The following LRFN2 variants were observed in gnomAD, a reference collection of about 807,000 sequenced individuals.
LRFN2 encodes the protein leucine rich repeat and fibronectin type III domain containing 2.
LRFN2 carries 18 observed loss-of-function variants against 37.3 expected under a neutral mutation model. The ratio of observed to expected loss-of-function variants is 0.48; its 90% CI spans 0.33 to 0.72. LRFN2 has a LOEUF of 0.72. LRFN2 is among the 30% of genes least tolerant of loss of function. LRFN2 has a pLI of 0.02. For missense variants in LRFN2, 1,006 were observed against 1,060.7 expected, an observed-to-expected ratio of 0.95 and a Z score of 0.72; for synonymous variants, 556 against 466.6, an observed-to-expected ratio of 1.19 and a Z score of -2.47.
intron 1 of LRFN2, among the ~76,000 whole-genome samples, chr6:40,472,629 G>A (rs1764625000): frequency 6.6e-6 from 1 of 152,170 alleles, no homozygotes; most frequent in South Asian, 2.1e-4. Context: ...CCTGATGCTG[G>A]TGTGGCTCAA....
At chr6:40,492,428 C>A (rs896529194) in intron 1 of LRFN2, among the ~76,000 whole-genome samples, 4 of 152,302 alleles carry the variant, frequency 2.6e-5, no homozygotes, top group African/African-American at 7.2e-5. Context: ...GCACATCGAA[C>A]CTGCCAGGTT....
chr6:40,459,760 G>T lies in LRFN2; in HGVS notation c.-18-26629C>A, dbSNP rs551491073. On this transcript the variant is annotated intron_variant, in intron 1 of 2. Transcript: ENST00000338305. ...CTGGATGGGTTGGTGAAGACACACA[G>T]CAAAGACTTGTGGTTTGGATGGAGG... Among the ~76,000 whole-genome samples, 11 of 152,350 alleles carry T rather than the reference G, an allele frequency of 7.2e-5. No individual in the cohort carries two copies. In the South Asian group the frequency reaches 2.3e-3, roughly 32 times the overall value.
At chr6:40,484,161 C>A (rs1383473387) in intron 1 of LRFN2, among the ~76,000 whole-genome samples, 1 of 152,192 alleles carries the variant, frequency 6.6e-6, no homozygotes, top group Non-Finnish European at 1.5e-5. Flanking sequence ...CAACTGCCTC[C>A]TCATCATAAA....
At chr6:40,577,108 C>CTTCTCTTCTCTTCTCCTCT (rs1554145947) in intron 1 of LRFN2, among the ~76,000 whole-genome samples, 1,527 of 104,626 alleles carry the variant, frequency 0.015, 227 homozygotes, top group African/African-American at 0.052. Flanking sequence ...CTTTTCCTTT[C>CTTCTCTTCTCTTCTCCTCT]TTTTCTTTTT....
chr6:40,530,975 T>C (rs1766331833), intron 1 of LRFN2, among the ~76,000 whole-genome samples: 1 of 152,182 alleles, frequency 6.6e-6, no homozygotes, highest in Non-Finnish European at 1.5e-5. Context: ...AAAGGGAACA[T>C]TTAAAAAAGC....
intron 1 of LRFN2, among the ~76,000 whole-genome samples, chr6:40,476,010 G>A (rs1481192143): frequency 6.6e-6 from 1 of 152,090 alleles, no homozygotes; most frequent in African/African-American, 2.4e-5. Flanking sequence ...ATATGTTATG[G>A]TTGCATTGGT....
chr6:40,552,731 A>G (rs1170349351), intron 1 of LRFN2, among the ~76,000 whole-genome samples: 4 of 152,216 alleles, frequency 2.6e-5, no homozygotes, highest in African/African-American at 9.7e-5. Flanking sequence ...TTTTTAGAAA[A>G]GGAAAGGAAG....
intron 1 of LRFN2, among the ~76,000 whole-genome samples, chr6:40,569,466 AACC>A (rs1767148790): frequency 6.6e-6 from 1 of 152,186 alleles, no homozygotes; most frequent in Non-Finnish European, 1.5e-5. Context: ...CTGGCTTAGA[AACC>A]AGAAGGAAAA....
intron 1 of LRFN2, among the ~76,000 whole-genome samples, chr6:40,448,545 G>T (rs1389645579): frequency 6.6e-6 from 1 of 152,086 alleles, no homozygotes; most frequent in Non-Finnish European, 1.5e-5. Context: ...TTCTTATCTT[G>T]CTGCAATACT....
intron 1 of LRFN2, among the ~76,000 whole-genome samples, chr6:40,553,449 A>G (rs150782749): frequency 3.9e-5 from 6 of 152,302 alleles, no homozygotes; most frequent in African/African-American, 1.4e-4. Flanking sequence ...CATTTCACAC[A>G]TTGGACATCT....
chr6:40,448,086 G>T (rs1358306457), intron 1 of LRFN2, among the ~76,000 whole-genome samples: 1 of 152,220 alleles, frequency 6.6e-6, no homozygotes, highest in African/African-American at 2.4e-5. Flanking sequence ...GCAATAGCCT[G>T]TGAGAGACCG....
At chr6:40,552,522 T>C (rs1273158282) in intron 1 of LRFN2, among the ~76,000 whole-genome samples, 4 of 152,214 alleles carry the variant, frequency 2.6e-5, no homozygotes, top group Admixed American at 1.3e-4. Context: ...CAGACACAGT[T>C]ATGTGGGACC....
chr6:40,435,082 G>GAGAGAGAC lies in LRFN2; in HGVS notation c.-18-1952_-18-1951insGTCTCTCT, dbSNP rs1554134659. On this transcript the variant is annotated intron_variant, in intron 1 of 2. Transcript: ENST00000338305. ...AGAGAGAGAGAGAGAGAGAGAGAGA[G>GAGAGAGAC]AGAGAGAGACAGAGAGATAATATAT... Among the ~76,000 whole-genome samples, 13 of 135,586 alleles carry GAGAGAGAC rather than the reference G, an allele frequency of 9.6e-5. 1 individual carries two copies. The East Asian group carries it at 3.5e-3, about 36-fold the overall frequency. 88.9% of individuals were successfully genotyped at this position (135,586 alleles called of 152,430 possible).
chr6:40,481,187 G>A (rs2113863602), intron 1 of LRFN2, among the ~76,000 whole-genome samples: 2 of 152,258 alleles, frequency 1.3e-5, no homozygotes, highest in East Asian at 3.9e-4. Flanking sequence ...TATAATCCCA[G>A]CACTTTGGGA....
At chr6:40,428,407 C>T (rs145137804) in intron 2 of LRFN2, among the ~76,000 whole-genome samples, 402 of 152,338 alleles carry the variant, frequency 2.6e-3, no homozygotes, top group African/African-American at 9.2e-3. Flanking sequence ...GACCTCTCCT[C>T]CCTTCTTTTA....
chr6:40,432,935 C>T lies in LRFN2; in HGVS notation c.179G>A (p.Gly60Asp). ...IDRRTVELRL[G>D]GNFIIHISRQ... is the part of the protein sequence containing the mutation. ...GCTGATGTGGATGATGAAGTTGCCG[C>T]CCAGGCGCAGCTCCACTGTCCGCCG... The change falls in exon 2 of 3, where the codon GGC becomes GAC. Residue 60 changes from glycine to aspartate, a missense_variant. Physicochemically the swap from Gly to Asp is moderately conservative, Grantham distance 94. Coordinates refer to ENST00000338305, the MANE Select transcript of LRFN2 (RefSeq NM_020737.3). The T allele has an allele frequency of 6.2e-7, 1 of 1,613,968 alleles. No individual in the cohort carries two copies. Among genetic ancestry groups the T allele is most frequent in the Non-Finnish European group, 8.5e-7 (1 of 1,179,846 alleles).
intron 1 of LRFN2, among the ~76,000 whole-genome samples, chr6:40,487,144 C>A (rs879834374): frequency 4.6e-5 from 7 of 152,196 alleles, no homozygotes; most frequent in Non-Finnish European, 8.8e-5. Context: ...GCCAGCCATG[C>A]CAGGGATTAA....
At chr6:40,501,057 A>T in intron 1 of LRFN2, among the ~76,000 whole-genome samples, 1 of 151,814 alleles carries the variant, frequency 6.6e-6, no homozygotes, top group East Asian at 1.9e-4. Context: ...ATAATTTTTA[A>T]CATCATGGGT....
At position 40,392,172 on chromosome 6, in the gene LRFN2, A is replaced by G. The variant is rs1762518853; in HGVS notation, c.2141T>C (p.Leu714Ser). The change falls in exon 3 of 3, where the codon TTG (leucine) becomes TCG (serine). Residue 714 changes from leucine (L) to serine (S), a missense_variant. By Grantham distance (145) the Leu-to-Ser change is moderately radical. Coordinates refer to ENST00000338305, the MANE Select transcript of LRFN2 (RefSeq NM_020737.3). This position sits in a 1 kb window ranked among gnomAD's most constrained non-coding sequence, Gnocchi z 4.7. ...GTGGCTGCGTTTGGCCTTGCCCTCC[A>G]ACGGCAAGGGGAGCAGGCTCCTGGC... Reference protein sequence around the residue: ...ARARSLLPLPLEGKAKRSHSF... With the variant: ...ARARSLLPLPSEGKAKRSHSF... 1 of 1,599,398 alleles carries G rather than the reference A, an allele frequency of 6.3e-7. No individual in the cohort carries two copies. The highest frequency in any genetic ancestry group is 1.1e-5 in the South Asian group (1 of 88,610).
Sources: gnomAD v4.1 joint callset for allele counts (sites outside exome capture counted in the v4.1 genomes callset) on GRCh38, gnomAD v4.1.1 for gene constraint, Gnocchi (gnomAD v3.1) non-coding constraint, MANE v1.5 for transcripts, NCBI Gene and HGNC (gene_info 2026-07-23, HGNC 2026-07-21) for gene names.